Variants in MTMR14 observed in about 807,000 individuals in gnomAD.
MTMR14 encodes myotubularin related protein 14, also known as phosphatidylinositol-3,5-bisphosphate 3-phosphatase MTMR14.
Under a neutral mutation model 86.3 loss-of-function variants are expected in MTMR14, and 48 were observed. The ratio of observed to expected loss-of-function variants is 0.56; its 90% confidence interval spans 0.44 to 0.71. The LOEUF is 0.71. MTMR14 is among the 30% of genes least tolerant of loss of function. The pLI, the probability that MTMR14 is intolerant of heterozygous loss-of-function variation, is 0.00. For synonymous variants in MTMR14, 366 were observed against 326.1 expected (o/e 1.12, Z -1.32); for missense variants, 780 against 834.6 (o/e 0.93, Z 0.81).
chr3:9,668,399 A>G (rs1178445125), intron 3 of MTMR14, among the ~76,000 whole-genome samples: 1 of 152,246 alleles, frequency 6.6e-6, no homozygotes, highest in South Asian at 2.1e-4. Flanking sequence ...GGCTTGTTGT[A>G]AAATTCAGTG....
intron 10 of MTMR14, 38 bp from the exon 11 acceptor site, chr3:9,684,547 T>C (rs763766978): frequency 6.2e-7 from 1 of 1,600,786 alleles, no homozygotes; most frequent in Non-Finnish European, 8.6e-7. Context: ...CCATGTCTGG[T>C]TCTCTCCTGG....
intron 9 of MTMR14, among the ~76,000 whole-genome samples, chr3:9,678,466 T>C (rs1283068012): frequency 6.6e-6 from 1 of 152,242 alleles, no homozygotes; most frequent in African/African-American, 2.4e-5. Flanking sequence ...TCCACCATGC[T>C]CTTCTCCGTC....
chr3:9,671,265 T>G (rs1192182237), intron 6 of MTMR14, 95 bp downstream of exon 6: 2 of 1,555,842 alleles, frequency 1.3e-6, no homozygotes, highest in Non-Finnish European at 1.8e-6. Context: ...GTGCTGGCCT[T>G]CTTACAAAGG....
chr3:9,686,636 G>T (rs990865018), intron 13 of MTMR14, among the ~76,000 whole-genome samples: 2 of 152,256 alleles, frequency 1.3e-5, no homozygotes, highest in African/African-American at 4.8e-5. Flanking sequence ...AAAGTCTGTA[G>T]TGAAAACACC....
chr3:9,657,929 G>A (rs1156993546), intron 2 of MTMR14, among the ~76,000 whole-genome samples: 4 of 152,176 alleles, frequency 2.6e-5, no homozygotes, highest in Non-Finnish European at 5.9e-5. Flanking sequence ...AGTAAGCAGA[G>A]TGGGGTTAAA....
At chr3:9,697,298 GCCAGCAAGTATGGGTGAC>G (rs2076309525) in intron 17 of MTMR14, among the ~76,000 whole-genome samples, 1 of 152,106 alleles carries the variant, frequency 6.6e-6, no homozygotes, top group South Asian at 2.1e-4. Flanking sequence ...AAATCTGCAT[GCCAGCAAGTATGGGTGAC>G]CCGGCTGGCT....
At chr3:9,682,137 C>G (rs567104980) in intron 9 of MTMR14, among the ~76,000 whole-genome samples, 3 of 152,196 alleles carry the variant, frequency 2.0e-5, no homozygotes, top group African/African-American at 7.2e-5. Context: ...GTGTCTGACA[C>G]GTTGAGCCAG....
rs779671867 is a variant in MTMR14 at position 9,653,617 on chromosome 3, G to A, written c.160-4G>A. The A allele has an allele frequency of 3.7e-6, 6 of 1,614,064 alleles. No individual in the cohort carries two copies. Among genetic ancestry groups the A allele is most frequent in the Non-Finnish European group, 5.1e-6 (6 of 1,180,026 alleles). On this transcript the variant is annotated splice_region_variant and splice_polypyrimidine_tract_variant and intron_variant, in intron 1 of 18. Coordinates refer to ENST00000296003, the MANE Select transcript of MTMR14 (RefSeq NM_001077525.3). ...TTTGTGTTCTGGTCTCCTTCTCTGT[G>A]CAGGTTGAGCGCATTGAGAAGAGAT...
intron 2 of MTMR14, 49 bp from the exon 3 acceptor site, chr3:9,662,218 G>C: frequency 7.1e-7 from 1 of 1,409,144 alleles, no homozygotes; most frequent in Non-Finnish European, 1.0e-6. Flanking sequence ...TATACACAAA[G>C]TGCCCACTTC....
At position 9,683,283 on chromosome 3, in the gene MTMR14, C is replaced by T. The variant is rs765351033; in HGVS notation, c.964+39C>T. 3.8e-6 allele frequency: 6 copies of T among 1,582,998 alleles called. No individual in the cohort carries two copies. In the Middle Eastern group the frequency reaches 5.0e-4, roughly 132 times the overall value. ...CTCCAGAGCCCTCGAGCCACTGCAC[C>T]CTTGGGGAGTTCCCAGTTCATTCTG... On this transcript the variant is annotated intron_variant, in intron 10 of 18. Coordinates refer to ENST00000296003, the MANE Select transcript of MTMR14 (RefSeq NM_001077525.3).
At chr3:9,685,784 C>G (rs1323267773) in intron 13 of MTMR14, among the ~76,000 whole-genome samples, 4 of 152,182 alleles carry the variant, frequency 2.6e-5, no homozygotes, top group African/African-American at 9.7e-5. Flanking sequence ...TGCCTGTCGC[C>G]TTTTCTGCGC....
chr3:9,699,503 C>T (rs1299300879), intron 18 of MTMR14: 1 of 152,238 alleles, frequency 6.6e-6, no homozygotes, highest in Non-Finnish European at 1.5e-5. Context: ...CATGTGGGTT[C>T]AGCACTTGGG....
At chr3:9,678,890 A>G (rs2075668514) in intron 9 of MTMR14, among the ~76,000 whole-genome samples, 1 of 152,228 alleles carries the variant, frequency 6.6e-6, no homozygotes, top group African/African-American at 2.4e-5. Context: ...TGTGTGTCCC[A>G]GCACAGAAAC....
intron 5 of MTMR14, 111 bp from the exon 6 acceptor site, chr3:9,670,937 C>A: frequency 7.0e-7 from 1 of 1,426,050 alleles, no homozygotes; most frequent in Non-Finnish European, 9.9e-7. Context: ...CTAGCACACG[C>A]CCCAGCTTCT....
Position 9,678,018 on chromosome 3 carries a change from T to C in MTMR14, c.857T>C (p.Phe286Ser), listed in dbSNP as rs1270390832. Residue 286 changes from phenylalanine to serine, a missense_variant, in exon 9 of 19, where the codon TTC (phenylalanine) becomes TCC (serine). By Grantham distance (155) the Phe-to-Ser change is radical. Coordinates refer to ENST00000296003, the MANE Select transcript of MTMR14 (RefSeq NM_001077525.3). ...GATGCCCCATTGAGCATCCCCGACTTCCTGACTCACTCTCTGAACATTGAC... is the reference window on the plus strand; with the variant it reads ...GATGCCCCATTGAGCATCCCCGACTCCCTGACTCACTCTCTGAACATTGAC... The part of the protein sequence containing the change: ...YVDAPLSIPD[F>S]LTHSLNIDWS... 7 of 1,613,928 alleles carry C rather than the reference T, an allele frequency of 4.3e-6. No homozygotes were observed. In the Admixed American group the frequency reaches 1.2e-4, roughly 27 times the overall value.
intron 7 of MTMR14, among the ~76,000 whole-genome samples, chr3:9,673,942 TTGA>T (rs969200466): frequency 5.3e-5 from 8 of 151,964 alleles, no homozygotes; most frequent in African/African-American, 1.9e-4. Context: ...GGTGATGATG[TTGA>T]TGATGGTGAT....
rs367730367 is a variant in MTMR14 at position 9,677,088 on chromosome 3, G to T, written c.752-229G>T. 3.3e-5 allele frequency among the ~76,000 whole-genome samples: 5 copies of T among 152,342 alleles called. 1 individual carries two copies. Among genetic ancestry groups the T allele is most frequent in the East Asian group, 1.9e-4 (1 of 5,182 alleles). ...GTTACAAAGAGGCTGAGAGCAGGCA[G>T]TGCCTCGTGGAAAAGGCATGCAGCC... On this transcript the variant is annotated intron_variant, in intron 7 of 18. Coordinates refer to ENST00000296003, the MANE Select transcript of MTMR14 (RefSeq NM_001077525.3). This position sits in a 1 kb window ranked among gnomAD's most constrained non-coding sequence, Gnocchi z 4.2.
In MTMR14 at chr3:9,662,435, G is replaced by A; in HGVS notation, c.417+60G>A. 5 of 1,399,478 alleles carry A rather than the reference G, an allele frequency of 3.6e-6. No homozygotes were observed. The South Asian group carries it at 5.8e-5, about 16-fold the overall frequency. The allele number at this position is 1,399,478 out of a possible 1,614,324, so 86.7% of individuals were successfully genotyped here. On this transcript the variant is annotated intron_variant, in intron 3 of 18. Transcript: ENST00000296003. The stretch of plus-strand genomic sequence containing the variant: ...TCTCTTCTGGGGTAGCTGACTTACT[G>A]CAAAGTATAGGGTCTTTTTTTCCCT...
intron 6 of MTMR14, among the ~76,000 whole-genome samples, chr3:9,671,461 T>A (rs1014125301): frequency 1.4e-5 from 2 of 139,736 alleles, no homozygotes; most frequent in Non-Finnish European, 3.3e-5. Context: ...TATCTCTGTA[T>A]TTTTTTTTTC....
Sources: gnomAD v4.1 joint callset for allele counts (sites outside exome capture counted in the v4.1 genomes callset) on GRCh38, gnomAD v4.1.1 for gene constraint, Gnocchi (gnomAD v3.1) non-coding constraint, MANE v1.5 for transcripts, NCBI Gene and HGNC (gene_info 2026-07-23, HGNC 2026-07-21) for gene names.